The following CCDC141 variants were observed in gnomAD, a reference collection of about 807,000 sequenced individuals.
CCDC141 encodes the protein coiled-coil domain containing 141, also known as coiled-coil domain-containing protein 141.
In CCDC141, 168 loss-of-function variants were observed where a neutral mutation model predicts 181.0. The observed-to-expected ratio is 0.93, with a 90% CI of 0.82 to 1.05. The LOEUF (loss-of-function observed/expected upper bound fraction) is 1.05, where lower values mean the gene tolerates loss of function less well. Ranked by LOEUF, CCDC141 falls within the 50% of genes least tolerant of loss-of-function variation. The probability of loss-of-function intolerance (pLI) is 0.00; values close to 1 mark genes in which losing one functional copy is unlikely to be tolerated. For synonymous variants in CCDC141, 666 were observed against 642.3 expected (o/e 1.04, Z -0.56); for missense variants, 1,902 against 1,788.5 (o/e 1.06, Z -1.14).
intron 2 of CCDC141, among the ~76,000 whole-genome samples, chr2:179,045,405 T>A (rs1204451781): frequency 6.6e-6 from 1 of 151,316 alleles, no homozygotes; most frequent in Non-Finnish European, 1.5e-5. Context: ...CTTAATCTAG[T>A]CTATCATTGT....
chr2:179,042,499 C>A (rs1365901688), intron 2 of CCDC141, among the ~76,000 whole-genome samples: 9 of 151,684 alleles, frequency 5.9e-5, no homozygotes, highest in African/African-American at 4.8e-5. Flanking sequence ...AGGCACGCAC[C>A]ACTACACCTG....
chr2:178,901,198 T>G (rs1687671114), intron 8 of CCDC141, among the ~76,000 whole-genome samples: 1 of 152,232 alleles, frequency 6.6e-6, no homozygotes, highest in South Asian at 2.1e-4. Flanking sequence ...CTGGTACAAT[T>G]CCTTCTGAAA....
chr2:178,873,205 T>TAAAATAAAATAAAATAAAATATAAAAAC (rs1686197307), intron 12 of CCDC141: 1 of 152,164 alleles, frequency 6.6e-6, no homozygotes, highest in African/African-American at 2.4e-5. Context: ...ATTTTAAAGA[T>TAAAATAAAATAAAATAAAATATAAAAAC]AGGCCATTTT....
chr2:179,048,138 C>T (rs1193022820), intron 1 of CCDC141, among the ~76,000 whole-genome samples: 1 of 152,294 alleles, frequency 6.6e-6, no homozygotes, highest in East Asian at 1.9e-4. Context: ...GAAGCAACAA[C>T]TCATTAAGCA....
the CCDC141 span, among the ~76,000 whole-genome samples, chr2:178,815,695 C>T: frequency 6.6e-6 from 1 of 152,214 alleles, no homozygotes; most frequent in Non-Finnish European, 1.5e-5. Flanking sequence ...CAGATCTTCA[C>T]ATATGCTTTA....
At chr2:178,986,224 T>A (rs1328591378) in intron 2 of CCDC141, among the ~76,000 whole-genome samples, 1 of 152,194 alleles carries the variant, frequency 6.6e-6, no homozygotes, top group African/African-American at 2.4e-5. Flanking sequence ...ACCACATGAT[T>A]ATCTCAATAG....
intron 8 of CCDC141, among the ~76,000 whole-genome samples, chr2:178,899,059 T>C (rs1053436313): frequency 2.6e-5 from 4 of 152,216 alleles, no homozygotes; most frequent in African/African-American, 9.6e-5. Flanking sequence ...ATACACTGTA[T>C]AACATTTCAA....
chr2:178,960,015 T>G (rs1376089645), intron 5 of CCDC141, among the ~76,000 whole-genome samples: 1 of 152,222 alleles, frequency 6.6e-6, no homozygotes, highest in Non-Finnish European at 1.5e-5. Flanking sequence ...CATTTGGCAA[T>G]GTCTAGAGAC....
At position 178,954,882 on chromosome 2, in the gene CCDC141, A is replaced by C. The variant is rs148344605; in HGVS notation, c.780+6348T>G. Among the ~76,000 whole-genome samples, 267 of 152,242 alleles carry C rather than the reference A, an allele frequency of 1.8e-3. 5 individuals carry two copies. In the South Asian group the frequency reaches 0.022, roughly 13 times the overall value. Reference sequence around the variant, plus strand: ...CATATGTTCTAGAATTATCAGGTAGATCATCTGAGAACATGATAACTATAA... The same window carrying C: ...CATATGTTCTAGAATTATCAGGTAGCTCATCTGAGAACATGATAACTATAA... On this transcript the variant is annotated intron_variant, in intron 5 of 23. Transcript: ENST00000443758.
intron 14 of CCDC141, among the ~76,000 whole-genome samples, chr2:178,869,668 C>CTAGA (rs1686021439): frequency 6.6e-6 from 1 of 152,132 alleles, no homozygotes; most frequent in South Asian, 2.1e-4. Flanking sequence ...TTAATACAGA[C>CTAGA]TAGAATCAGG....
chr2:178,971,172 C>A (rs1471636506), intron 4 of CCDC141, among the ~76,000 whole-genome samples: 1 of 152,136 alleles, frequency 6.6e-6, no homozygotes, highest in African/African-American at 2.4e-5. Flanking sequence ...TGCACCACTG[C>A]ACTCCAGCCT....
chr2:178,965,789 G>A (rs1690600184), intron 4 of CCDC141, among the ~76,000 whole-genome samples: 2 of 152,096 alleles, frequency 1.3e-5, no homozygotes, highest in Admixed American at 6.5e-5. Context: ...CCCTGGAAAG[G>A]GGTGCTAAAG....
chr2:178,978,406 G>A (rs1282874120), intron 3 of CCDC141, 78 bp downstream of exon 3: 2 of 944,624 alleles, frequency 2.1e-6, no homozygotes, highest in Non-Finnish European at 2.9e-6. Context: ...ATGTCTATTT[G>A]TGAAAAAATA....
At chr2:178,916,513 A>C (rs184243554) in intron 7 of CCDC141, among the ~76,000 whole-genome samples, 1 of 151,868 alleles carries the variant, frequency 6.6e-6, no homozygotes, top group Non-Finnish European at 1.5e-5. Context: ...TTTACTTAAT[A>C]ATATAGTATA....
intron 5 of CCDC141, among the ~76,000 whole-genome samples, chr2:178,947,512 A>T (rs76168895): frequency 0.013 from 1,926 of 152,348 alleles, 43 homozygotes; most frequent in African/African-American, 0.044. Flanking sequence ...CAATGTGTTC[A>T]TGGTCATCCC....
chr2:178,951,813 C>A (rs1316856208), intron 5 of CCDC141, among the ~76,000 whole-genome samples: 1 of 152,154 alleles, frequency 6.6e-6, no homozygotes, highest in African/African-American at 2.4e-5. Context: ...ATACAATGTG[C>A]ATGAGGGTTA....
At chr2:178,837,782 A>C (rs765416184) in intron 22 of CCDC141, 38 bp from the exon 23 acceptor site, 26 of 1,553,182 alleles carry the variant, frequency 1.7e-5, no homozygotes, top group Non-Finnish European at 2.1e-5. Flanking sequence ...TTATTCATTC[A>C]TTTTTCTTTT....
At chr2:179,037,877 T>C (rs536643843) in intron 2 of CCDC141, among the ~76,000 whole-genome samples, 71 of 152,336 alleles carry the variant, frequency 4.7e-4, no homozygotes, top group Non-Finnish European at 7.9e-4. Context: ...GGACAAGACG[T>C]GGACCAATCG....
intron 21 of CCDC141, among the ~76,000 whole-genome samples, chr2:178,847,022 A>G (rs1443738976): frequency 1.3e-5 from 2 of 152,238 alleles, no homozygotes; most frequent in African/African-American, 4.8e-5. Context: ...AAACACCTGT[A>G]AAGTGCTGGT....
Sources: gnomAD v4.1 joint callset for allele counts (sites outside exome capture counted in the v4.1 genomes callset) on GRCh38, gnomAD v4.1.1 for gene constraint, MANE v1.5 for transcripts, NCBI Gene and HGNC (gene_info 2026-07-23, HGNC 2026-07-21) for gene names.